Variants in CNTNAP2 observed in about 807,000 individuals in gnomAD.
CNTNAP2 encodes the protein contactin-associated protein-like 2.
A neutral mutation model predicts 155.2 loss-of-function variants in CNTNAP2; 98 were observed. The ratio of observed to expected loss-of-function variants is 0.63; its 90% CI spans 0.54 to 0.75. The LOEUF (loss-of-function observed/expected upper bound fraction) is 0.75. Ranked by LOEUF, CNTNAP2 falls within the 30% of genes least tolerant of loss-of-function variation. The pLI, the probability that CNTNAP2 is intolerant of heterozygous loss-of-function variation, is 0.00. For missense variants in CNTNAP2, 1,727 were observed against 1,688.1 expected, an observed-to-expected ratio of 1.02 and a Z score of -0.40; for synonymous variants, 651 against 631.2, an observed-to-expected ratio of 1.03 and a Z score of -0.47.
At chr7:148,197,862 G>A (rs896290454) in intron 18 of CNTNAP2, among the ~76,000 whole-genome samples, 1 of 152,144 alleles carries the variant, frequency 6.6e-6, no homozygotes, top group African/African-American at 2.4e-5. Flanking sequence ...TGAAAACTAG[G>A]CTTCCTATCA....
intron 9 of CNTNAP2, among the ~76,000 whole-genome samples, chr7:147,393,186 A>G (rs1315566084): frequency 3.3e-5 from 5 of 152,122 alleles, no homozygotes; most frequent in African/African-American, 4.8e-5. Flanking sequence ...TTATGGAGAG[A>G]AAAAAATTAA....
chr7:147,502,856 A>C (rs1423963149), intron 11 of CNTNAP2, among the ~76,000 whole-genome samples: 1 of 152,096 alleles, frequency 6.6e-6, no homozygotes, highest in East Asian at 1.9e-4. Flanking sequence ...GTAGCAGGAA[A>C]AGTAGGCTTC....
intron 1 of CNTNAP2, among the ~76,000 whole-genome samples, chr7:146,185,850 G>A (rs902310793): frequency 5.3e-5 from 8 of 150,528 alleles, no homozygotes; most frequent in Non-Finnish European, 1.2e-4. Context: ...TGGGTATTTG[G>A]TGTAGGTACT....
chr7:147,388,371 C>A (rs1298908692), intron 9 of CNTNAP2, among the ~76,000 whole-genome samples: 2 of 152,144 alleles, frequency 1.3e-5, no homozygotes, highest in African/African-American at 2.4e-5. Flanking sequence ...AGCATAGAAA[C>A]CAGGATCTGG....
At chr7:148,240,042 G>A (rs762055410) in intron 20 of CNTNAP2, among the ~76,000 whole-genome samples, 280 of 152,312 alleles carry the variant, frequency 1.8e-3, no homozygotes, top group Non-Finnish European at 3.2e-3. Context: ...CGTTTCTGAA[G>A]CCTGATTTGG....
chr7:147,003,761 T>C (rs1351593553), intron 3 of CNTNAP2, among the ~76,000 whole-genome samples: 1 of 152,016 alleles, frequency 6.6e-6, no homozygotes, highest in African/African-American at 2.4e-5. Flanking sequence ...CAGTGGCTCA[T>C]GTCTGTAAGC....
intron 2 of CNTNAP2, among the ~76,000 whole-genome samples, chr7:146,839,143 A>C (rs552030081): frequency 1.3e-5 from 2 of 152,214 alleles, no homozygotes; most frequent in African/African-American, 4.8e-5. Flanking sequence ...ATATCTTCTA[A>C]GTGTTAAATA....
chr7:146,183,222 G>A (rs1467016064), intron 1 of CNTNAP2, among the ~76,000 whole-genome samples: 1 of 152,060 alleles, frequency 6.6e-6, no homozygotes, highest in African/African-American at 2.4e-5. Context: ...AACCCTGCCT[G>A]CATCTCACAA....
intron 15 of CNTNAP2, among the ~76,000 whole-genome samples, chr7:147,986,667 A>G (rs1195474323): frequency 1.3e-5 from 2 of 152,158 alleles, no homozygotes; most frequent in Admixed American, 1.3e-4. Context: ...GGCCAAGATG[A>G]ATGTTGACAC....
At chr7:146,927,685 T>C (rs2129221724) in intron 3 of CNTNAP2, among the ~76,000 whole-genome samples, 1 of 152,000 alleles carries the variant, frequency 6.6e-6, no homozygotes, top group East Asian at 1.9e-4. Context: ...TTTTAAAATA[T>C]CTATGCTAAA....
chr7:147,185,089 A>C (rs1006308337), intron 8 of CNTNAP2, among the ~76,000 whole-genome samples: 1 of 152,202 alleles, frequency 6.6e-6, no homozygotes, highest in African/African-American at 2.4e-5. Context: ...GAATGTTATC[A>C]GCTAAAACAC....
intron 3 of CNTNAP2, among the ~76,000 whole-genome samples, chr7:146,942,367 C>T (rs1585171941): frequency 1.3e-5 from 2 of 151,960 alleles, no homozygotes; most frequent in East Asian, 3.9e-4. Context: ...TGAAGGCGCT[C>T]ATCAAATTCA....
At chr7:147,471,276 C>CAGGA (rs1162898498) in intron 10 of CNTNAP2, among the ~76,000 whole-genome samples, 1 of 152,134 alleles carries the variant, frequency 6.6e-6, no homozygotes, top group East Asian at 1.9e-4. Context: ...TTAGACCTTT[C>CAGGA]AGTTTACAGG....
intron 21 of CNTNAP2, among the ~76,000 whole-genome samples, chr7:148,318,832 G>T (rs1377889082): frequency 1.3e-5 from 2 of 152,182 alleles, no homozygotes; most frequent in Non-Finnish European, 2.9e-5. Flanking sequence ...AGAGAAAAGA[G>T]GAACACCGCT....
intron 8 of CNTNAP2, among the ~76,000 whole-genome samples, chr7:147,216,145 T>G (rs930976426): frequency 1.3e-5 from 2 of 151,872 alleles, no homozygotes; most frequent in Non-Finnish European, 2.9e-5. Flanking sequence ...TTTTTTCATC[T>G]TCTTTATAGT....
chr7:146,149,791 G>C (rs1434091054), intron 1 of CNTNAP2, among the ~76,000 whole-genome samples: 3 of 146,980 alleles, frequency 2.0e-5, no homozygotes, highest in East Asian at 4.2e-4. Context: ...AAGCTCAAAA[G>C]TTTCTAGAAG....
chr7:148,053,019 G>T (rs2710131), intron 15 of CNTNAP2, among the ~76,000 whole-genome samples: 5 of 152,102 alleles, frequency 3.3e-5, no homozygotes, highest in African/African-American at 9.7e-5. Context: ...TGCACTCTAG[G>T]CTGGGTGACA....
chr7:147,666,216 C>T (rs1002978020), intron 13 of CNTNAP2, among the ~76,000 whole-genome samples: 4 of 152,164 alleles, frequency 2.6e-5, no homozygotes, highest in Non-Finnish European at 5.9e-5. Flanking sequence ...CAGCGTTAGT[C>T]GGTTAGACCT....
intron 11 of CNTNAP2, among the ~76,000 whole-genome samples, chr7:147,494,284 C>G (rs1798656776): frequency 6.6e-6 from 1 of 152,102 alleles, no homozygotes; most frequent in Admixed American, 6.6e-5. Context: ...TAAAATAGTA[C>G]AGGTCATTTG....
Sources: allele counts gnomAD v4.1 joint callset (sites outside exome capture counted in the v4.1 genomes callset), GRCh38; gene constraint gnomAD v4.1.1; transcripts MANE v1.5; gene names NCBI Gene and HGNC (gene_info 2026-07-23, HGNC 2026-07-21).